CLYBL: variants seen among roughly 807,000 people sequenced by gnomAD.
CLYBL encodes citramalyl-CoA lyase, mitochondrial.
A neutral mutation model predicts 38.9 loss-of-function variants in CLYBL; 31 were observed. The observed-to-expected ratio is 0.80, with a 90% CI of 0.60 to 1.08. The LOEUF is 1.08. Ranked by LOEUF, CLYBL falls within the 50% of genes least tolerant of loss-of-function variation. CLYBL has a pLI of 0.00. For synonymous variants in CLYBL, 171 were observed against 158.6 expected, an observed-to-expected ratio of 1.08 and a Z score of -0.59; for missense variants, 434 against 411.6, an observed-to-expected ratio of 1.05 and a Z score of -0.47.
chr13:99,645,843 T>C (rs2047168911), intron 1 of CLYBL, among the ~76,000 whole-genome samples: 1 of 152,186 alleles, frequency 6.6e-6, no homozygotes, highest in South Asian at 2.1e-4. Context: ...CTTGACATGA[T>C]TCCATTTGTC....
Position 99,795,738 on chromosome 13 carries a change from C to G in CLYBL, c.249+22728C>G, listed in dbSNP as rs112644250. On this transcript the variant is annotated intron_variant, in intron 2 of 8. Transcript: ENST00000339105. ...AGAGAAAGATGAGCCAGGTGCTGGC[C>G]GGAGATAAAAGGCCAGCTTTGTCTT... Among the ~76,000 whole-genome samples the G allele has an allele frequency of 2.6e-5, 4 of 152,100 alleles. No homozygotes were observed. In the South Asian group the frequency reaches 8.3e-4, roughly 32 times the overall value.
intron 1 of CLYBL, among the ~76,000 whole-genome samples, chr13:99,685,565 A>G (rs923744309): frequency 2.0e-5 from 3 of 152,314 alleles, no homozygotes; most frequent in Admixed American, 2.0e-4. Context: ...TTTAAGCATC[A>G]TCGGAGCAAA....
At chr13:99,898,397 G>A (rs1034543845), downstream of CLYBL, among the ~76,000 whole-genome samples, 1 of 152,212 alleles carries the variant, frequency 6.6e-6, no homozygotes, top group Non-Finnish European at 1.5e-5. Context: ...GTGAAAGGAA[G>A]AACGTAAAAA....
At chr13:99,809,790 C>T (rs2050305112) in intron 2 of CLYBL, among the ~76,000 whole-genome samples, 1 of 152,212 alleles carries the variant, frequency 6.6e-6, no homozygotes, top group African/African-American at 2.4e-5. Flanking sequence ...GACATTATTG[C>T]CAATGTGACA....
At chr13:99,731,503 TAA>T (rs11305509) in intron 1 of CLYBL, among the ~76,000 whole-genome samples, 8,942 of 143,288 alleles carry the variant, frequency 0.062, 311 homozygotes, top group East Asian at 0.12. Flanking sequence ...CTGCTTATAT[TAA>T]AAAAAAAAAA....
intron 3 of CLYBL, 147 bp from the exon 4 acceptor site, chr13:99,862,844 A>C (rs2051640441): frequency 2.3e-6 from 1 of 434,076 alleles, no homozygotes; most frequent in Non-Finnish European, 4.1e-6. Flanking sequence ...CTTTCTTCTT[A>C]TTTTTTTAAA....
In CLYBL at chr13:99,654,249, T is replaced by A. The variant is rs138611808; in HGVS notation, c.62+47492T>A. Among the ~76,000 whole-genome samples, 76 of 152,286 alleles carry A rather than the reference T, an allele frequency of 5.0e-4. 1 individual carries two copies. The East Asian group carries it at 0.013, about 26-fold the overall frequency. On this transcript the variant is annotated intron_variant, in intron 1 of 8. Transcript: ENST00000339105. ...CCTTAGCTGGGCATCCATGGACCTC[T>A]CCCTGGGTCCATCCTAGAGAGTGGA...
At chr13:99,821,768 A>G (rs2050592956) in intron 2 of CLYBL, among the ~76,000 whole-genome samples, 1 of 152,206 alleles carries the variant, frequency 6.6e-6, no homozygotes, top group South Asian at 2.1e-4. Context: ...AACATAGCAC[A>G]TCCATTTTCT....
At position 99,744,059 on chromosome 13, in the gene CLYBL, G is replaced by A. The variant is rs1056215398; in HGVS notation, c.63-28765G>A. On this transcript the variant is annotated intron_variant, in intron 1 of 8. Transcript: ENST00000339105. ...GCGATATCAGCTCACTGCAAGCTCC[G>A]CCTCCCGGGTTCACAGCATTCTCCT... Among the ~76,000 whole-genome samples, 6 of 134,590 alleles carry A rather than the reference G, an allele frequency of 4.5e-5. No individual in the cohort carries two copies. The South Asian group carries it at 7.7e-4, about 17-fold the overall frequency. The allele number at this position is 134,590 out of a possible 152,430, so 88.3% of individuals were successfully genotyped here. A position where few individuals can be genotyped will look rare whatever the true frequency, so the allele number is the denominator to read the frequency against.
chr13:99,887,856 G>T (rs535423619), intron 7 of CLYBL, among the ~76,000 whole-genome samples: 20 of 99,094 alleles, frequency 2.0e-4, no homozygotes, highest in African/African-American at 8.2e-4. Flanking sequence ...AGGGATTTGG[G>T]GTTTTTTTTT....
At chr13:99,778,907 A>G (rs1176830557) in intron 2 of CLYBL, among the ~76,000 whole-genome samples, 1 of 151,918 alleles carries the variant, frequency 6.6e-6, no homozygotes, top group East Asian at 1.9e-4. Flanking sequence ...TTTATTTACT[A>G]TTTAAGTATT....
downstream of CLYBL, among the ~76,000 whole-genome samples, chr13:99,901,637 A>ATTTTTTTT (rs1413984777): frequency 1.5e-5 from 1 of 65,440 alleles, no homozygotes. Context: ...GGTTTTTTGG[A>ATTTTTTTT]TTTTTTTGTT....
chr13:99,730,758 CG>C (rs2048574715), intron 1 of CLYBL, among the ~76,000 whole-genome samples: 1 of 152,136 alleles, frequency 6.6e-6, no homozygotes, highest in African/African-American at 2.4e-5. Context: ...GCTAAACACA[CG>C]GAACGGCCTC....
intron 2 of CLYBL, among the ~76,000 whole-genome samples, chr13:99,854,477 A>C (rs2051408381): frequency 6.6e-6 from 1 of 151,592 alleles, no homozygotes; most frequent in African/African-American, 2.4e-5. Flanking sequence ...TTTGGAACTA[A>C]TGAACTGACT....
chr13:99,704,347 T>C (rs2048114761), intron 1 of CLYBL, among the ~76,000 whole-genome samples: 1 of 152,216 alleles, frequency 6.6e-6, no homozygotes, highest in South Asian at 2.1e-4. Context: ...ATGGTTACTT[T>C]CTCTTTTTGG....
intron 1 of CLYBL, among the ~76,000 whole-genome samples, chr13:99,625,917 A>G (rs1021818770): frequency 9.2e-5 from 14 of 152,196 alleles, no homozygotes; most frequent in African/African-American, 3.1e-4. Flanking sequence ...GCTTTGGCGC[A>G]TCTCACGTGA....
intron 1 of CLYBL, among the ~76,000 whole-genome samples, chr13:99,627,238 C>T (rs771378480): frequency 6.6e-6 from 1 of 151,904 alleles, no homozygotes; most frequent in Non-Finnish European, 1.5e-5. Context: ...TTCTGTGTTC[C>T]TTTCTCGTCT....
chr13:99,640,698 C>T (rs1024951427), intron 1 of CLYBL, among the ~76,000 whole-genome samples: 1 of 152,206 alleles, frequency 6.6e-6, no homozygotes, highest in Non-Finnish European at 1.5e-5. Flanking sequence ...CAAGTTGACA[C>T]ATGATAAAAG....
At chr13:99,828,672 C>T (rs2139063851) in intron 2 of CLYBL, among the ~76,000 whole-genome samples, 1 of 152,232 alleles carries the variant, frequency 6.6e-6, no homozygotes, top group East Asian at 1.9e-4. Flanking sequence ...AATGAAATAA[C>T]TACAAGGAAA....
Sources: gnomAD v4.1 joint callset for allele counts (sites outside exome capture counted in the v4.1 genomes callset) on GRCh38, gnomAD v4.1.1 for gene constraint, MANE v1.5 for transcripts, NCBI Gene and HGNC (gene_info 2026-07-23, HGNC 2026-07-21) for gene names.